KCNAB1: variants seen among roughly 807,000 people sequenced by gnomAD.
KCNAB1 encodes potassium voltage-gated channel subfamily A regulatory beta subunit 1.
KCNAB1 carries 35 observed loss-of-function variants against 64.6 expected under a neutral mutation model. The ratio of observed to expected loss-of-function variants is 0.54; its 90% confidence interval spans 0.41 to 0.72. KCNAB1 has a LOEUF of 0.72. Ranked by LOEUF, KCNAB1 falls within the 30% of genes least tolerant of loss-of-function variation. The pLI is 0.00. For synonymous variants in KCNAB1, 177 were observed against 183.8 expected, an observed-to-expected ratio of 0.96 and a Z score of 0.30; for missense variants, 401 against 512.9, an observed-to-expected ratio of 0.78 and a Z score of 2.11.
rs142185241 is a variant in KCNAB1 at position 156,400,955 on chromosome 3, C to T, written c.276-20661C>T. On this transcript the variant is annotated intron_variant, in intron 1 of 13. Transcript: ENST00000490337. The stretch of plus-strand genomic sequence containing the variant: ...CCTCCCTGCCTCTATACCCTTAGAA[C>T]CAGACACAGTGATGCCCAAAGGCTA... Among the ~76,000 whole-genome samples the T allele has an allele frequency of 9.7e-4, 147 of 152,320 alleles. 1 individual carries two copies. The highest frequency in any genetic ancestry group is 3.3e-3 in the African/African-American group (138 of 41,558).
chr3:156,399,177 C>A (rs1386150061), intron 1 of KCNAB1, among the ~76,000 whole-genome samples: 2 of 152,160 alleles, frequency 1.3e-5, no homozygotes, highest in Admixed American at 1.3e-4. Context: ...CTAATAAATA[C>A]AAGAATCTCC....
chr3:156,415,568 C>T (rs142047405), intron 1 of KCNAB1, among the ~76,000 whole-genome samples: 137 of 152,288 alleles, frequency 9.0e-4, no homozygotes, highest in African/African-American at 2.9e-3. Context: ...CCACCCCACT[C>T]GCTGCGCTCT....
At chr3:156,276,515 C>A (rs1576668693) in intron 1 of KCNAB1, among the ~76,000 whole-genome samples, 1 of 152,182 alleles carries the variant, frequency 6.6e-6, no homozygotes, top group Non-Finnish European at 1.5e-5. Context: ...CATCTTCTTA[C>A]AAAAGAAGGC....
chr3:156,332,565 G>A (rs1262167381), intron 1 of KCNAB1, among the ~76,000 whole-genome samples: 1 of 152,056 alleles, frequency 6.6e-6, no homozygotes, highest in South Asian at 2.1e-4. Context: ...TCAGAGTGTC[G>A]TGACATCTGC....
At chr3:156,118,347 G>A, upstream of KCNAB1, 1 of 455,292 alleles carries the variant, frequency 2.2e-6, no homozygotes. Flanking sequence ...AAGGTAATCA[G>A]GTTCCTTACA....
At chr3:156,374,866 G>A (rs1322848493) in intron 1 of KCNAB1, among the ~76,000 whole-genome samples, 1 of 136,084 alleles carries the variant, frequency 7.3e-6, no homozygotes, top group African/African-American at 3.3e-5. Context: ...TACAGATTAA[G>A]TGCCTAGCAC....
At chr3:156,248,471 T>G (rs1057111657) in intron 1 of KCNAB1, among the ~76,000 whole-genome samples, 1 of 732 alleles carries the variant, frequency 1.4e-3, no homozygotes, top group Non-Finnish European at 2.1e-3. Context: ...GTAATGAGAT[T>G]TTTTTTTTTT....
At chr3:156,172,065 A>G (rs1712030832) in intron 1 of KCNAB1, among the ~76,000 whole-genome samples, 1 of 152,202 alleles carries the variant, frequency 6.6e-6, no homozygotes, top group African/African-American at 2.4e-5. Flanking sequence ...GCCAAGAAAA[A>G]TCTCTAGGAA....
intron 1 of KCNAB1, among the ~76,000 whole-genome samples, chr3:156,321,071 T>G (rs1213646727): frequency 6.6e-6 from 1 of 152,186 alleles, no homozygotes; most frequent in Non-Finnish European, 1.5e-5. Context: ...GCACAAGTGC[T>G]TGGCCCAGGA....
intron 7 of KCNAB1, among the ~76,000 whole-genome samples, chr3:156,468,542 T>A (rs1713607607): frequency 6.6e-6 from 1 of 152,182 alleles, no homozygotes. Flanking sequence ...TTGTGCAAGT[T>A]ACTTAACCTA....
chr3:156,501,444 T>C (rs1267812004), intron 8 of KCNAB1, among the ~76,000 whole-genome samples: 2 of 146,402 alleles, frequency 1.4e-5, no homozygotes, highest in African/African-American at 5.1e-5. Flanking sequence ...TTTTTTTTTT[T>C]TTTTGAGAGG....
chr3:156,233,746 C>T (rs564631047), intron 1 of KCNAB1, among the ~76,000 whole-genome samples: 1 of 151,854 alleles, frequency 6.6e-6, no homozygotes, highest in South Asian at 2.1e-4. Context: ...CTCTGGATCT[C>T]TCTTCAGTAA....
intron 1 of KCNAB1, among the ~76,000 whole-genome samples, chr3:156,328,590 C>G (rs561168012): frequency 1.3e-5 from 2 of 152,104 alleles, no homozygotes; most frequent in African/African-American, 4.8e-5. Context: ...TAAGACATAA[C>G]TGTTGTTGAG....
chr3:156,455,859 G>C (rs1429624246), intron 3 of KCNAB1: 1 of 152,142 alleles, frequency 6.6e-6, no homozygotes, highest in Non-Finnish European at 1.5e-5. Context: ...AACTCAGTAG[G>C]AACAAAGAAT....
In KCNAB1 at chr3:156,269,518, A is replaced by G. The variant is rs988079064; in HGVS notation, c.275+148632A>G. On this transcript the variant is annotated intron_variant, in intron 1 of 13. Transcript: ENST00000490337. The stretch of plus-strand genomic sequence containing the variant: ...AATAACTATTAGGTACACTTGACCT[A>G]TAGGGCAGATTAAATCTGTTTTTTC... 9.2e-5 allele frequency among the ~76,000 whole-genome samples: 14 copies of G among 152,200 alleles called. No individual in the cohort carries two copies. In the South Asian group the frequency reaches 1.9e-3, roughly 20 times the overall value.
chr3:156,456,590 T>C (rs1712446069), intron 3 of KCNAB1, among the ~76,000 whole-genome samples: 1 of 152,158 alleles, frequency 6.6e-6, no homozygotes, highest in South Asian at 2.1e-4. Flanking sequence ...AACAGAAAAA[T>C]AGTTTATTTT....
intron 1 of KCNAB1, among the ~76,000 whole-genome samples, chr3:156,408,241 A>G (rs1174480659): frequency 7.2e-5 from 11 of 152,250 alleles, no homozygotes; most frequent in African/African-American, 2.6e-4. Context: ...TTGTTTCTCT[A>G]GGGAATAGCT....
chr3:156,417,968 G>C (rs900922216), intron 1 of KCNAB1, among the ~76,000 whole-genome samples: 1 of 152,184 alleles, frequency 6.6e-6, no homozygotes, highest in Non-Finnish European at 1.5e-5. Context: ...TAAGTGTTCT[G>C]TGCCTCCACA....
intron 11 of KCNAB1, 29 bp from the exon 12 acceptor site, chr3:156,523,798 T>C: frequency 6.3e-7 from 1 of 1,597,312 alleles, no homozygotes; most frequent in Non-Finnish European, 8.6e-7. Flanking sequence ...TACCAGACAT[T>C]AACATTTCAA....
Sources: gnomAD v4.1 joint callset for allele counts (sites outside exome capture counted in the v4.1 genomes callset) on GRCh38, gnomAD v4.1.1 for gene constraint, MANE v1.5 for transcripts, NCBI Gene and HGNC (gene_info 2026-07-23, HGNC 2026-07-21) for gene names.